The following GREM2 variants were observed in gnomAD, a reference collection of about 807,000 sequenced individuals.
GREM2 encodes gremlin-2.
Under a neutral mutation model 14.2 loss-of-function variants are expected in GREM2, and 11 were observed. The observed-to-expected ratio is 0.78, with a 90% CI of 0.49 to 1.28. The LOEUF (loss-of-function observed/expected upper bound fraction) is 1.28. Ranked by LOEUF, GREM2 falls within the 50% of genes most tolerant of loss-of-function variation. The probability of loss-of-function intolerance (pLI) is 0.00; values close to 1 mark genes in which losing one functional copy is unlikely to be tolerated. For missense variants in GREM2, 210 were observed against 218.5 expected, an observed-to-expected ratio of 0.96 and a Z score of 0.24; for synonymous variants, 98 against 97.6, an observed-to-expected ratio of 1.00 and a Z score of -0.02.
intron 1 of GREM2, among the ~76,000 whole-genome samples, chr1:240,565,734 T>C (rs144622342): frequency 6.6e-6 from 1 of 151,616 alleles, no homozygotes; most frequent in African/African-American, 2.4e-5. Flanking sequence ...TAGTCCCAGC[T>C]ACTCTGGAGG....
At position 240,540,720 on chromosome 1, in the gene GREM2, G is replaced by A. The variant is rs1487811676; in HGVS notation, c.-1-47244C>T. 6.6e-6 allele frequency among the ~76,000 whole-genome samples: 1 copy of A among 151,926 alleles called. No homozygotes were observed. The highest frequency in any genetic ancestry group is 1.5e-5 in the Non-Finnish European group (1 of 67,988). On this transcript the variant is annotated intron_variant, in intron 1 of 1. Transcript: ENST00000318160. The surrounding 1 kb of genome is among the most constrained non-coding windows in gnomAD (Gnocchi z 4.2). ...TGGGACTACAGGCATGCATCACCAC[G>A]CCCAGCTAATTTTTGTATTTTTAGT...
rs1464544296 is a variant in GREM2, at chr1:240,491,349, T to G, written c.*1620A>C. 1 of 152,626 alleles carries G rather than the reference T, an allele frequency of 6.6e-6. No homozygotes were observed. The highest frequency in any genetic ancestry group is 1.9e-4 in the East Asian group (1 of 5,202). The allele number at this position is 152,626 out of a possible 1,614,324, so 9.5% of individuals were successfully genotyped here. ...ACCAGGGAATCATCAGTGAAAGGTTTTCAAAGTTTACTGATTCCCACCAAT... is the reference window on the plus strand; with the variant it reads ...ACCAGGGAATCATCAGTGAAAGGTTGTCAAAGTTTACTGATTCCCACCAAT... On this transcript the variant is annotated 3_prime_UTR_variant, in exon 2 of 2. Coordinates refer to ENST00000318160, the MANE Select transcript of GREM2 (RefSeq NM_022469.4).
In GREM2 at chr1:240,491,521, A is replaced by G. The variant is rs933651546; in HGVS notation, c.*1448T>C. On this transcript the variant is annotated 3_prime_UTR_variant, in exon 2 of 2. Transcript: ENST00000318160. ...CTTCCGTATATCAAGAGACCACAGC[A>G]TGGAAACGTCAACAATTCATTATAA... 6.5e-6 allele frequency: 1 copy of G among 152,726 alleles called. No homozygotes were observed. Among genetic ancestry groups the G allele is most frequent in the South Asian group, 2.1e-4 (1 of 4,834 alleles). 9.5% of individuals were successfully genotyped at this position (152,726 alleles called of 1,614,324 possible).
rs1678951336 is a variant in GREM2, at chr1:240,556,272, AGAAC to A, written c.-2+55608_-2+55611del. 3.3e-5 allele frequency among the ~76,000 whole-genome samples: 5 copies of A among 152,324 alleles called. No homozygotes were observed. The South Asian group carries it at 1.0e-3, about 32-fold the overall frequency. On this transcript the variant is annotated intron_variant, in intron 1 of 1. Transcript: ENST00000318160. ...AGACTTCCTCCCCAGCTCAGCCCCC[AGAAC>A]TCTGCAGCTAGGCAGAGGATGAGCC...
intron 1 of GREM2, among the ~76,000 whole-genome samples, chr1:240,527,847 A>G (rs985964179): frequency 3.9e-5 from 6 of 152,242 alleles, no homozygotes; most frequent in African/African-American, 1.4e-4. Flanking sequence ...ATCTTTGTTT[A>G]TTCCACCACG....
At chr1:240,541,849 T>C (rs1017239159) in intron 1 of GREM2, among the ~76,000 whole-genome samples, 1 of 152,196 alleles carries the variant, frequency 6.6e-6, no homozygotes, top group Non-Finnish European at 1.5e-5. Flanking sequence ...AGGGCCAGTT[T>C]GTGTCACTGG....
intron 1 of GREM2, among the ~76,000 whole-genome samples, chr1:240,495,070 G>A (rs2103269928): frequency 6.6e-6 from 1 of 152,300 alleles, no homozygotes; most frequent in African/African-American, 2.4e-5. Flanking sequence ...TGGCTTGCAG[G>A]GCACAAGCCA....
chr1:240,513,587 A>G, intron 1 of GREM2, among the ~76,000 whole-genome samples: 1 of 151,664 alleles, frequency 6.6e-6, no homozygotes, highest in East Asian at 1.9e-4. Context: ...AAAAAAAAAA[A>G]AAAAAAGAAG....
chr1:240,498,911 G>C (rs1180109282), intron 1 of GREM2, among the ~76,000 whole-genome samples: 1 of 152,196 alleles, frequency 6.6e-6, no homozygotes. Flanking sequence ...GACTGTAAAT[G>C]CTGATGGTCT....
chr1:240,500,181 C>T (rs1677536544), intron 1 of GREM2, among the ~76,000 whole-genome samples: 1 of 152,162 alleles, frequency 6.6e-6, no homozygotes. Flanking sequence ...CTAAAATGCT[C>T]TCCTATCTCC....
rs183988020 is a variant in GREM2 at position 240,490,988 on chromosome 1, A to G, written c.*1981T>C. The G allele has an allele frequency of 4.2e-4, 64 of 151,858 alleles. No homozygotes were observed. Among genetic ancestry groups the G allele is most frequent in the Admixed American group, 3.9e-3 (60 of 15,250 alleles). The allele number at this position is 151,858 out of a possible 1,614,324, so 9.4% of individuals were successfully genotyped here. On this transcript the variant is annotated 3_prime_UTR_variant, in exon 2 of 2. Coordinates refer to ENST00000318160, the MANE Select transcript of GREM2 (RefSeq NM_022469.4). The stretch of plus-strand genomic sequence containing the variant: ...CCTGACCTTGAACACCCTTCTCTCC[A>G]TTTTCGCTCTATCCTCAGGTTCCAG...
intron 1 of GREM2, among the ~76,000 whole-genome samples, chr1:240,512,234 A>G (rs1051957029): frequency 6.6e-6 from 1 of 152,200 alleles, no homozygotes; most frequent in Admixed American, 6.5e-5. Context: ...AAGAATAAAG[A>G]ATATATGTGA....
intron 1 of GREM2, among the ~76,000 whole-genome samples, chr1:240,549,544 CA>C: frequency 6.6e-6 from 1 of 152,070 alleles, no homozygotes; most frequent in East Asian, 1.9e-4. Flanking sequence ...AAAGACACAA[CA>C]AAAAAACCGG....
chr1:240,514,821 A>G (rs2103295587), intron 1 of GREM2, among the ~76,000 whole-genome samples: 1 of 152,202 alleles, frequency 6.6e-6, no homozygotes, highest in African/African-American at 2.4e-5. Flanking sequence ...GATAGTTTGA[A>G]CCCAAGAGAT....
At chr1:240,530,475 TC>T (rs1294097257) in intron 1 of GREM2, 1 of 152,166 alleles carries the variant, frequency 6.6e-6, no homozygotes, top group Non-Finnish European at 1.5e-5. Flanking sequence ...CTCTCAACAT[TC>T]CTCTCTAAAA....
intron 1 of GREM2, among the ~76,000 whole-genome samples, chr1:240,547,512 AAAAT>A (rs373739088): frequency 0.046 from 4,589 of 98,726 alleles, 80 homozygotes; most frequent in Non-Finnish European, 0.056. Context: ...AAAAAAAAAA[AAAAT>A]ATATATATAT....
At position 240,567,893 on chromosome 1, in the gene GREM2, G is replaced by A. The variant is rs572375060; in HGVS notation, c.-2+43991C>T. Among the ~76,000 whole-genome samples, 21 of 152,300 alleles carry A rather than the reference G, an allele frequency of 1.4e-4. No homozygotes were observed. In the South Asian group the frequency reaches 4.2e-3, roughly 30 times the overall value. ...GGAGGTTGAGGCAGGCAGATCACTT[G>A]AGGCCAGGAGTTTGAGACCAGCCTG... On this transcript the variant is annotated intron_variant, in intron 1 of 1. Coordinates refer to ENST00000318160, the MANE Select transcript of GREM2 (RefSeq NM_022469.4).
At chr1:240,511,143 T>C (rs1249807037) in intron 1 of GREM2, among the ~76,000 whole-genome samples, 1 of 152,186 alleles carries the variant, frequency 6.6e-6, no homozygotes, top group African/African-American at 2.4e-5. Context: ...TTATTATAAG[T>C]TAGGTATCTA....
chr1:240,589,750 G>A (rs534202252), intron 1 of GREM2, among the ~76,000 whole-genome samples: 2 of 152,272 alleles, frequency 1.3e-5, no homozygotes, highest in African/African-American at 4.8e-5. Flanking sequence ...GTGGGTAATA[G>A]GTATAGTTCA....
Sources: allele counts gnomAD v4.1 joint callset (sites outside exome capture counted in the v4.1 genomes callset), GRCh38; gene constraint gnomAD v4.1.1; non-coding constraint Gnocchi (gnomAD v3.1); transcripts MANE v1.5; gene names NCBI Gene and HGNC (gene_info 2026-07-23, HGNC 2026-07-21).